The following KHDRBS2 variants were observed in gnomAD, a reference collection of about 807,000 sequenced individuals.
KHDRBS2 encodes the protein KH domain-containing, RNA-binding, signal transduction-associated protein 2.
In KHDRBS2, 26 loss-of-function variants were observed where a neutral mutation model predicts 44.3. That is an observed-to-expected ratio of 0.59 (90% CI 0.43 to 0.81). The LOEUF is 0.81. Ranked by LOEUF, KHDRBS2 falls within the 40% of genes least tolerant of loss-of-function variation. KHDRBS2 has a pLI of 0.00. For synonymous variants in KHDRBS2, 194 were observed against 151.1 expected, an observed-to-expected ratio of 1.28 and a Z score of -2.08; for missense variants, 476 against 433.1, an observed-to-expected ratio of 1.10 and a Z score of -0.88.
At chr6:61,822,662 A>T (rs757235495) in intron 6 of KHDRBS2, among the ~76,000 whole-genome samples, 4 of 151,856 alleles carry the variant, frequency 2.6e-5, no homozygotes, top group Non-Finnish European at 4.4e-5. Flanking sequence ...CCCTAGCTTA[A>T]CTCTCCAGCT....
At chr6:61,897,965 C>T (rs1283466104) in intron 5 of KHDRBS2, among the ~76,000 whole-genome samples, 2 of 152,042 alleles carry the variant, frequency 1.3e-5, no homozygotes, top group Non-Finnish European at 2.9e-5. Context: ...TTTCATTCAT[C>T]AATTATGCAA....
intron 3 of KHDRBS2, among the ~76,000 whole-genome samples, chr6:62,046,821 T>C (rs1354639133): frequency 6.6e-6 from 1 of 151,746 alleles, no homozygotes; most frequent in Non-Finnish European, 1.5e-5. Flanking sequence ...TATAGAGTAA[T>C]CAAAAGTTAT....
intron 3 of KHDRBS2, among the ~76,000 whole-genome samples, chr6:61,993,915 T>C (rs1248345001): frequency 6.6e-6 from 1 of 151,998 alleles, no homozygotes; most frequent in African/African-American, 2.4e-5. Context: ...GGAAATTGAT[T>C]GACTCAAATA....
At chr6:62,109,348 A>G (rs1465046239) in intron 2 of KHDRBS2, among the ~76,000 whole-genome samples, 2 of 151,906 alleles carry the variant, frequency 1.3e-5, no homozygotes, top group Non-Finnish European at 2.9e-5. Context: ...AAAATTCCTT[A>G]TTTTTTTCAA....
chr6:62,074,549 A>T (rs1795946876), intron 2 of KHDRBS2, among the ~76,000 whole-genome samples: 1 of 151,860 alleles, frequency 6.6e-6, no homozygotes, highest in East Asian at 1.9e-4. Context: ...CTGGTCACAA[A>T]TTCATTTTGT....
At chr6:61,596,325 G>A in the KHDRBS2 span, among the ~76,000 whole-genome samples, 7 of 152,164 alleles carry the variant, frequency 4.6e-5, no homozygotes, top group East Asian at 5.8e-4. Context: ...ATAGTCCCAC[G>A]CAAAAAATTT....
At chr6:62,093,158 A>G (rs1261984064) in intron 2 of KHDRBS2, among the ~76,000 whole-genome samples, 5 of 152,028 alleles carry the variant, frequency 3.3e-5, no homozygotes, top group Non-Finnish European at 7.4e-5. Context: ...GAAACTTTCA[A>G]CAATATGTAC....
At chr6:61,557,134 G>T in the KHDRBS2 span, among the ~76,000 whole-genome samples, 3 of 152,176 alleles carry the variant, frequency 2.0e-5, no homozygotes, top group African/African-American at 7.2e-5. Flanking sequence ...ATCTGCAGCT[G>T]CAGTTAGAAG....
intron 6 of KHDRBS2, among the ~76,000 whole-genome samples, chr6:61,751,116 C>A (rs1025063925): frequency 2.6e-5 from 4 of 152,090 alleles, no homozygotes; most frequent in Non-Finnish European, 4.4e-5. Flanking sequence ...CATTTTATAA[C>A]TGAGGATAAC....
chr6:61,603,210 C>T, the KHDRBS2 span, among the ~76,000 whole-genome samples: 1 of 152,264 alleles, frequency 6.6e-6, no homozygotes, highest in Non-Finnish European at 1.5e-5. Context: ...GTCCTAAAAC[C>T]AGACAGGCCT....
intron 3 of KHDRBS2, among the ~76,000 whole-genome samples, chr6:62,032,787 A>T (rs1042834204): frequency 6.6e-6 from 1 of 151,770 alleles, no homozygotes; most frequent in Non-Finnish European, 1.5e-5. Context: ...TATATACCTA[A>T]CTCTTCAATG....
At chr6:61,804,390 G>C (rs1312411249) in intron 6 of KHDRBS2, among the ~76,000 whole-genome samples, 1 of 152,106 alleles carries the variant, frequency 6.6e-6, no homozygotes. Flanking sequence ...TTCATGGGCT[G>C]GCATTGAATG....
chr6:62,270,086 A>C (rs982886158), intron 1 of KHDRBS2, among the ~76,000 whole-genome samples: 8 of 152,100 alleles, frequency 5.3e-5, no homozygotes, highest in African/African-American at 1.9e-4. Context: ...TATAGTTTGA[A>C]TATTTGTCCC....
At chr6:61,793,767 A>G (rs1784945945) in intron 6 of KHDRBS2, among the ~76,000 whole-genome samples, 1 of 152,078 alleles carries the variant, frequency 6.6e-6, no homozygotes, top group East Asian at 1.9e-4. Context: ...TCAAACACTT[A>G]TTTTTGTAAT....
chr6:61,719,659 T>C (rs1772044378), intron 7 of KHDRBS2, among the ~76,000 whole-genome samples: 1 of 152,086 alleles, frequency 6.6e-6, no homozygotes. Flanking sequence ...TTTCTCCTCA[T>C]AGACACAGGG....
At chr6:62,249,950 A>G (rs1426687468) in intron 1 of KHDRBS2, among the ~76,000 whole-genome samples, 4 of 152,070 alleles carry the variant, frequency 2.6e-5, no homozygotes, top group African/African-American at 7.2e-5. Context: ...TAAGGCACCA[A>G]TTTTATCCCC....
At chr6:61,653,389 T>C in the KHDRBS2 span, among the ~76,000 whole-genome samples, 1 of 152,106 alleles carries the variant, frequency 6.6e-6, no homozygotes, top group South Asian at 2.1e-4. Flanking sequence ...TAAATATTCC[T>C]AGTTCTAAAA....
chr6:61,768,963 T>C (rs1780413006), intron 6 of KHDRBS2, among the ~76,000 whole-genome samples: 1 of 152,140 alleles, frequency 6.6e-6, no homozygotes, highest in Non-Finnish European at 1.5e-5. Flanking sequence ...ATCTGTATCA[T>C]TTTCCTCTGC....
chr6:61,590,212 G>T, the KHDRBS2 span, among the ~76,000 whole-genome samples: 1 of 152,264 alleles, frequency 6.6e-6, no homozygotes, highest in African/African-American at 2.4e-5. Flanking sequence ...AATGAAAAAA[G>T]ATGGGGACTA....
Sources: gnomAD v4.1 joint callset for allele counts (sites outside exome capture counted in the v4.1 genomes callset) on GRCh38, gnomAD v4.1.1 for gene constraint, MANE v1.5 for transcripts, NCBI Gene and HGNC (gene_info 2026-07-23, HGNC 2026-07-21) for gene names.